Variants in TRAF3 observed in about 807,000 individuals in gnomAD.
The protein encoded by TRAF3 is TNF receptor-associated factor 3.
Under a neutral mutation model 62.3 loss-of-function variants are expected in TRAF3, and 13 were observed. The observed-to-expected ratio is 0.21, with a 90% CI of 0.14 to 0.33. The LOEUF (loss-of-function observed/expected upper bound fraction) is 0.33, where lower values mean the gene tolerates loss of function less well. TRAF3 is among the 10% of genes least tolerant of loss of function. TRAF3 has a pLI of 1.00. For missense variants in TRAF3, 440 were observed against 741.8 expected, an observed-to-expected ratio of 0.59 and a Z score of 4.73; for synonymous variants, 269 against 283.4, an observed-to-expected ratio of 0.95 and a Z score of 0.51.
intron 1 of TRAF3, among the ~76,000 whole-genome samples, chr14:102,817,571 C>T (rs1182127654): frequency 6.6e-6 from 1 of 152,076 alleles, no homozygotes; most frequent in East Asian, 1.9e-4. Flanking sequence ...GCCTTCCTTT[C>T]AGCAGTGGGA....
intron 2 of TRAF3, among the ~76,000 whole-genome samples, chr14:102,837,249 C>G (rs553041771): frequency 6.6e-6 from 1 of 151,930 alleles, no homozygotes; most frequent in South Asian, 2.1e-4. Flanking sequence ...AGCCATCCTC[C>G]CGCCTCAGCC....
intron 1 of TRAF3, among the ~76,000 whole-genome samples, chr14:102,806,723 A>C (rs899240676): frequency 6.6e-6 from 1 of 152,094 alleles, no homozygotes; most frequent in Non-Finnish European, 1.5e-5. Flanking sequence ...ATTCCAGAAG[A>C]ATAGAGGGGG....
intron 1 of TRAF3, among the ~76,000 whole-genome samples, chr14:102,811,435 C>T (rs191612183): frequency 2.6e-5 from 4 of 151,646 alleles, no homozygotes; most frequent in East Asian, 1.9e-4. Flanking sequence ...AAGCAGTTTT[C>T]GCCTCAGCCT....
intron 2 of TRAF3, among the ~76,000 whole-genome samples, chr14:102,834,363 G>A (rs560885752): frequency 2.3e-4 from 35 of 152,210 alleles, no homozygotes; most frequent in African/African-American, 8.2e-4. Flanking sequence ...TTCAATCAGC[G>A]GTGCTGGGAC....
intron 6 of TRAF3, among the ~76,000 whole-genome samples, chr14:102,885,206 C>T (rs1326479741): frequency 1.3e-5 from 2 of 152,214 alleles, no homozygotes; most frequent in Non-Finnish European, 2.9e-5. Context: ...GACGAGCTTC[C>T]CTCGGGTGGG....
rs964511647 is a variant in TRAF3, at chr14:102,826,111, G to A, written c.-156-4223G>A. Among the ~76,000 whole-genome samples, 12 of 152,274 alleles carry A rather than the reference G, an allele frequency of 7.9e-5. No homozygotes were observed. Among genetic ancestry groups the A allele is most frequent in the Non-Finnish European group, 1.5e-4 (10 of 68,018 alleles). ...CCTCCCACCCCCGTGAGGTAACAAC[G>A]TCTTTTCCAGTTGGTGTCAGTGAAC... is the stretch of plus-strand genomic sequence containing the variant. On this transcript the variant is annotated intron_variant, in intron 1 of 11. Coordinates refer to ENST00000392745, the MANE Select transcript of TRAF3 (RefSeq NM_145725.3). This position sits in a 1 kb window ranked among gnomAD's most constrained non-coding sequence, Gnocchi z 4.6.
At position 102,875,721 on chromosome 14, in the gene TRAF3, A is replaced by G. The variant is rs747544853; in HGVS notation, c.395A>G (p.His132Arg). 5.6e-6 allele frequency: 9 copies of G among 1,613,680 alleles called. No homozygotes were observed. The highest frequency in any genetic ancestry group is 7.6e-6 in the Non-Finnish European group (9 of 1,179,726). The stretch of plus-strand genomic sequence containing the variant: ...TGTGCAGAGCAGTTAATGCTGGGAC[A>G]TCTGCTGGTGAGTAGCAAAGGGACA... ...RGCAEQLMLG[H>R]LLVHLKNDCH... The change falls in exon 5 of 12, where the codon CAT becomes CGT. Residue 132 changes from histidine (H) to arginine (R), a missense_variant. By Grantham distance (29) the His-to-Arg change is conservative. Transcript: ENST00000392745.
intron 1 of TRAF3, among the ~76,000 whole-genome samples, chr14:102,815,566 G>A (rs1899468447): frequency 6.6e-6 from 1 of 152,124 alleles, no homozygotes; most frequent in Admixed American, 6.5e-5. Context: ...TTTTTGTGGT[G>A]TGAGATAGGG....
chr14:102,861,397 G>C (rs201386524), intron 2 of TRAF3, among the ~76,000 whole-genome samples: 2 of 152,222 alleles, frequency 1.3e-5, no homozygotes, highest in Non-Finnish European at 2.9e-5. Context: ...ACCTTCCTAA[G>C]TTGGGCATCA....
At chr14:102,825,897 C>T (rs964723267) in intron 1 of TRAF3, among the ~76,000 whole-genome samples, 4 of 152,234 alleles carry the variant, frequency 2.6e-5, no homozygotes, top group East Asian at 1.9e-4. Context: ...AACCACCTCA[C>T]GCTACCTCTT....
chr14:102,893,152 G>T (rs1311242500), intron 9 of TRAF3, among the ~76,000 whole-genome samples: 1 of 152,016 alleles, frequency 6.6e-6, no homozygotes, highest in Non-Finnish European at 1.5e-5. Context: ...ACTTTGGGAG[G>T]CCGAGGCTGA....
intron 2 of TRAF3, among the ~76,000 whole-genome samples, chr14:102,845,833 T>C (rs1188078805): frequency 6.6e-6 from 1 of 151,684 alleles, no homozygotes; most frequent in Non-Finnish European, 1.5e-5. Flanking sequence ...GTTTTGAATT[T>C]GCTGGGTGTG....
intron 6 of TRAF3, 76 bp from the exon 7 acceptor site, chr14:102,886,113 C>T (rs181945503): frequency 1.3e-6 from 2 of 1,482,864 alleles, no homozygotes; most frequent in Non-Finnish European, 1.9e-6. Flanking sequence ...TTCCTGGGGG[C>T]CCCATGGGGA....
rs1213983653 is a variant in TRAF3 at position 102,837,142 on chromosome 14, G to GTT, written c.-18+6677_-18+6678dup. ...TTTGTGTGTGTGTGTGTGTGTGTGT[G>GTT]TTTTTTTTGGGGGGGGGTGAAGGTC... On this transcript the variant is annotated intron_variant, in intron 2 of 11. Transcript: ENST00000392745. Among the ~76,000 whole-genome samples, 815 of 131,020 alleles carry GTT rather than the reference G, an allele frequency of 6.2e-3. 9 individuals carry two copies. Among genetic ancestry groups the GTT allele is most frequent in the Admixed American group, 0.011 (141 of 13,208 alleles). The allele number at this position is 131,020 out of a possible 152,430, so 86.0% of individuals were successfully genotyped here.
At position 102,870,321 on chromosome 14, in the gene TRAF3, G is replaced by C; in HGVS notation, c.120G>C (p.Lys40Asn). ...PVFVPEQGGY[K>N]EKFVKTVEDK... is the part of the protein sequence containing the mutation. The stretch of plus-strand genomic sequence containing the variant: ...TTGTCCCTGAACAAGGAGGTTACAA[G>C]GAAAAGTTTGTGAAGACCGTGGAGG... The change falls in exon 3 of 12, where the codon AAG becomes AAC. Residue 40 changes from lysine (K) to asparagine (N), a missense_variant. By Grantham distance (94) the Lys-to-Asn change is moderately conservative (BLOSUM62 0). Coordinates refer to ENST00000392745, the MANE Select transcript of TRAF3 (RefSeq NM_145725.3). The C allele has an allele frequency of 6.2e-7, 1 of 1,614,208 alleles. No homozygotes were observed.
Position 102,835,351 on chromosome 14 carries a change from C to T in TRAF3, c.-18+4879C>T, listed in dbSNP as rs61432310. 8.2e-3 allele frequency among the ~76,000 whole-genome samples: 1,241 copies of T among 151,000 alleles called. 21 individuals carry two copies. The highest frequency in any genetic ancestry group is 0.029 in the African/African-American group (1,176 of 41,052). On this transcript the variant is annotated intron_variant, in intron 2 of 11. Transcript: ENST00000392745. ...TGTGGAAAGCAATATGGTGATTCCT[C>T]AGCTAAAAATAGAACTACCATTTGA...
chr14:102,831,604 GTGCTGCC>G (rs1320541201), intron 2 of TRAF3, among the ~76,000 whole-genome samples: 1 of 152,174 alleles, frequency 6.6e-6, no homozygotes, highest in Non-Finnish European at 1.5e-5. Context: ...TCTCTGCCCA[GTGCTGCC>G]TGCTGCCCGC....
chr14:102,856,344 C>A (rs1887368725), intron 2 of TRAF3, among the ~76,000 whole-genome samples: 1 of 152,078 alleles, frequency 6.6e-6, no homozygotes, highest in South Asian at 2.1e-4. Flanking sequence ...AAGGGGTGGG[C>A]AGTATCTGGA....
chr14:102,802,259 A>C (rs1262598696), intron 1 of TRAF3, among the ~76,000 whole-genome samples: 1 of 138,478 alleles, frequency 7.2e-6, no homozygotes, highest in Non-Finnish European at 1.5e-5. Context: ...GGTTCACGCC[A>C]TTCTCCTGCC....
Sources: allele counts gnomAD v4.1 joint callset (sites outside exome capture counted in the v4.1 genomes callset), GRCh38; gene constraint gnomAD v4.1.1; non-coding constraint Gnocchi (gnomAD v3.1); transcripts MANE v1.5; gene names NCBI Gene and HGNC (gene_info 2026-07-23, HGNC 2026-07-21).